The following CFAP96 variants were observed in gnomAD, a reference collection of about 807,000 sequenced individuals.
The protein encoded by CFAP96 is cilia and flagella associated protein 96.
the CFAP96 span, among the ~76,000 whole-genome samples, chr4:185,443,677 G>A: frequency 6.6e-6 from 1 of 151,670 alleles, no homozygotes; most frequent in African/African-American, 2.4e-5. Flanking sequence ...TTAAATATAG[G>A]TATAGACTTT....
chr4:185,413,909 G>C, the CFAP96 span: 9 of 1,546,600 alleles, frequency 5.8e-6, no homozygotes, highest in Admixed American at 2.1e-5. Context: ...AAGAAAAAAT[G>C]TTGGTGATTT....
At chr4:185,424,002 T>C in the CFAP96 span, among the ~76,000 whole-genome samples, 9 of 152,226 alleles carry the variant, frequency 5.9e-5, no homozygotes, top group African/African-American at 2.2e-4. Flanking sequence ...TACTGAGCTC[T>C]TCAAATGTAA....
the CFAP96 span, among the ~76,000 whole-genome samples, chr4:185,436,678 C>T: frequency 3.3e-5 from 5 of 150,290 alleles, no homozygotes; most frequent in Admixed American, 1.3e-4. Flanking sequence ...CCACTGCACT[C>T]CAGCCTCGGT....
chr4:185,416,452 G>GT, the CFAP96 span, among the ~76,000 whole-genome samples: 1 of 152,144 alleles, frequency 6.6e-6, no homozygotes, highest in Non-Finnish European at 1.5e-5. Context: ...TTTTACAGGG[G>GT]TATGAACAAT....
chr4:185,413,863 C>A, the CFAP96 span: 2 of 1,599,212 alleles, frequency 1.3e-6, no homozygotes, highest in Admixed American at 3.5e-5. Flanking sequence ...TTGAAAAGAT[C>A]ATGTAACTCC....
chr4:185,445,115 C>T, the CFAP96 span: 1 of 1,551,424 alleles, frequency 6.4e-7, no homozygotes, highest in Admixed American at 2.0e-5. Flanking sequence ...AGTATAATGA[C>T]TTTGAATGTC....
At chr4:185,409,740 A>C in the CFAP96 span, among the ~76,000 whole-genome samples, 1 of 152,242 alleles carries the variant, frequency 6.6e-6, no homozygotes, top group African/African-American at 2.4e-5. Flanking sequence ...CATAGACGTG[A>C]TTAAGGATCT....
chr4:185,440,514 G>A, the CFAP96 span: 2 of 1,426,294 alleles, frequency 1.4e-6, no homozygotes, highest in African/African-American at 3.0e-5. Context: ...TTTGTGCTAT[G>A]TAATTTCAAA....
chr4:185,433,723 G>A, the CFAP96 span, among the ~76,000 whole-genome samples: 7 of 151,402 alleles, frequency 4.6e-5, no homozygotes, highest in African/African-American at 7.3e-5. Flanking sequence ...CCAACATGGC[G>A]AAACCCCGTC....
chr4:185,437,268 A>G, the CFAP96 span, among the ~76,000 whole-genome samples: 3 of 152,256 alleles, frequency 2.0e-5, no homozygotes, highest in African/African-American at 7.2e-5. Context: ...CTCACTGTGT[A>G]CCATATTTGA....
chr4:185,436,099 G>A, the CFAP96 span: 1 of 1,551,000 alleles, frequency 6.4e-7, no homozygotes, highest in Admixed American at 2.0e-5. Context: ...CCATTTTTCA[G>A]CGCACAGTCA....
chr4:185,421,587 GAA>G, the CFAP96 span, among the ~76,000 whole-genome samples: 1 of 152,144 alleles, frequency 6.6e-6, no homozygotes, highest in African/African-American at 2.4e-5. Flanking sequence ...CACCATGATT[GAA>G]AGTTTCCTGA....
the CFAP96 span, among the ~76,000 whole-genome samples, chr4:185,431,203 C>G: frequency 9.8e-6 from 1 of 102,412 alleles, no homozygotes; most frequent in Non-Finnish European, 2.0e-5. Flanking sequence ...GAGTGAGACT[C>G]CGTCTCAAAA....
At chr4:185,438,739 A>G in the CFAP96 span, among the ~76,000 whole-genome samples, 9 of 152,258 alleles carry the variant, frequency 5.9e-5, no homozygotes, top group East Asian at 1.5e-3. Context: ...TTACCTTTTC[A>G]GTTCTTGCAT....
At chr4:185,418,741 CAT>C in the CFAP96 span, 56 of 1,602,518 alleles carry the variant, frequency 3.5e-5, no homozygotes, top group African/African-American at 1.3e-4. Flanking sequence ...TCACTCAACA[CAT>C]GTTTCAGTGC....
chr4:185,429,384 A>C, the CFAP96 span: 4 of 1,419,216 alleles, frequency 2.8e-6, no homozygotes, highest in Non-Finnish European at 3.8e-6. Context: ...AGTTAGCGGT[A>C]TAGAGAGTAC....
chr4:185,443,324 A>G, the CFAP96 span, among the ~76,000 whole-genome samples: 14 of 39,090 alleles, frequency 3.6e-4, no homozygotes, highest in South Asian at 2.4e-3. Flanking sequence ...TTTTATGTAT[A>G]TATATATATA....
the CFAP96 span, among the ~76,000 whole-genome samples, chr4:185,449,422 G>A: frequency 1.4e-4 from 21 of 151,908 alleles, no homozygotes; most frequent in Admixed American, 6.6e-4. Context: ...TTGGGCGGCC[G>A]AGGCAGGAGG....
chr4:185,445,450 A>G, the CFAP96 span: 1 of 1,270,210 alleles, frequency 7.9e-7, no homozygotes, highest in Non-Finnish European at 1.1e-6. Context: ...TTAGCAGTAC[A>G]ATTAACATTG....
Sources: gnomAD v4.1 joint callset for allele counts (sites outside exome capture counted in the v4.1 genomes callset) on GRCh38, gnomAD v4.1.1 for gene constraint, MANE v1.5 for transcripts, NCBI Gene and HGNC (gene_info 2026-07-23, HGNC 2026-07-21) for gene names.